The following CTNND2 variants were observed in gnomAD, a reference collection of about 807,000 sequenced individuals.
The protein encoded by CTNND2 is catenin delta-2.
A neutral mutation model predicts 144.4 loss-of-function variants in CTNND2; 22 were observed. That is an observed-to-expected ratio of 0.15 (90% CI 0.11 to 0.22). CTNND2 has a LOEUF of 0.22. Ranked by LOEUF, CTNND2 falls within the 10% of genes least tolerant of loss-of-function variation. CTNND2 has a pLI of 1.00. For missense variants in CTNND2, 1,353 were observed against 1,618.8 expected, an observed-to-expected ratio of 0.84 and a Z score of 2.82; for synonymous variants, 751 against 695.6, an observed-to-expected ratio of 1.08 and a Z score of -1.25.
chr5:11,830,291 T>G (rs535805836), intron 1 of CTNND2, among the ~76,000 whole-genome samples: 2 of 152,210 alleles, frequency 1.3e-5, no homozygotes, highest in South Asian at 4.1e-4. Context: ...GACATGAGAT[T>G]TGGGAGGGGC....
At chr5:11,897,993 T>C (rs920446470) in intron 1 of CTNND2, among the ~76,000 whole-genome samples, 1 of 152,222 alleles carries the variant, frequency 6.6e-6, no homozygotes, top group Non-Finnish European at 1.5e-5. Context: ...GCTGCTTCTC[T>C]CTTCCTCTGG....
intron 16 of CTNND2, among the ~76,000 whole-genome samples, chr5:11,035,166 T>A (rs768580394): frequency 6.6e-6 from 1 of 151,996 alleles, no homozygotes; most frequent in Non-Finnish European, 1.5e-5. Flanking sequence ...ACAGGTTCAG[T>A]GCTTTAAAAC....
At chr5:11,498,024 C>G (rs945081328) in intron 3 of CTNND2, among the ~76,000 whole-genome samples, 3 of 152,084 alleles carry the variant, frequency 2.0e-5, no homozygotes, top group African/African-American at 7.2e-5. Context: ...AAAGTAGAGT[C>G]AAACCCAGTG....
intron 3 of CTNND2, among the ~76,000 whole-genome samples, chr5:11,425,843 G>A (rs577729607): frequency 1.3e-5 from 2 of 152,042 alleles, no homozygotes; most frequent in Non-Finnish European, 2.9e-5. Context: ...AATGTTGGTT[G>A]GGCTCTCCTG....
chr5:11,168,845 G>A (rs930135202), intron 11 of CTNND2, among the ~76,000 whole-genome samples: 1 of 151,892 alleles, frequency 6.6e-6, no homozygotes, highest in South Asian at 2.1e-4. Flanking sequence ...GAGAGAGAGA[G>A]AGATTTAAAG....
chr5:11,242,746 A>T (rs1434692768), intron 9 of CTNND2, among the ~76,000 whole-genome samples: 7 of 152,198 alleles, frequency 4.6e-5, no homozygotes, highest in Non-Finnish European at 8.8e-5. Context: ...TGACTGTTGT[A>T]CTAGAATGAG....
chr5:11,806,666 T>C (rs1370899783), intron 1 of CTNND2, among the ~76,000 whole-genome samples: 1 of 152,148 alleles, frequency 6.6e-6, no homozygotes, highest in Non-Finnish European at 1.5e-5. Context: ...GGTTGCCCCA[T>C]CTAACACATC....
At chr5:11,880,566 AGT>A (rs1491205092) in intron 1 of CTNND2, among the ~76,000 whole-genome samples, 2 of 71,040 alleles carry the variant, frequency 2.8e-5, no homozygotes, top group Non-Finnish European at 6.2e-5. Context: ...TACTGCTACT[AGT>A]ACTACTACTA....
At chr5:11,645,069 G>T (rs564041867) in intron 2 of CTNND2, among the ~76,000 whole-genome samples, 25 of 152,242 alleles carry the variant, frequency 1.6e-4, no homozygotes, top group Admixed American at 1.2e-3. Flanking sequence ...GGGCTCAAGG[G>T]ATCCTTCTGC....
At chr5:11,572,357 C>T (rs1777629164) in intron 2 of CTNND2, among the ~76,000 whole-genome samples, 1 of 152,144 alleles carries the variant, frequency 6.6e-6, no homozygotes, top group Non-Finnish European at 1.5e-5. Flanking sequence ...CCTGCTGTGT[C>T]CTCTATTTCT....
chr5:11,007,955 T>C (rs541004775), intron 18 of CTNND2, among the ~76,000 whole-genome samples: 16 of 152,356 alleles, frequency 1.1e-4, no homozygotes, highest in African/African-American at 3.8e-4. Context: ...ATTTACATTC[T>C]TGTCTCTAAA....
intron 3 of CTNND2, among the ~76,000 whole-genome samples, chr5:11,462,097 C>G (rs892002481): frequency 6.6e-6 from 1 of 152,056 alleles, no homozygotes; most frequent in African/African-American, 2.4e-5. Context: ...GAGATTTGGT[C>G]TCAGTGCTCA....
At chr5:11,370,947 A>G (rs1757419464) in intron 7 of CTNND2, among the ~76,000 whole-genome samples, 1 of 152,218 alleles carries the variant, frequency 6.6e-6, no homozygotes, top group Non-Finnish European at 1.5e-5. Flanking sequence ...CCAAAATAAA[A>G]TTGAGGTTTT....
At chr5:11,201,261 G>A (rs1213836376) in intron 10 of CTNND2, among the ~76,000 whole-genome samples, 4 of 152,128 alleles carry the variant, frequency 2.6e-5, no homozygotes, top group Non-Finnish European at 5.9e-5. Flanking sequence ...CCTCATAAAT[G>A]TTCAGGAAAT....
At position 11,732,270 on chromosome 5, in the gene CTNND2, C is replaced by T. The variant is rs1333189034; in HGVS notation, c.40G>A (p.Ala14Thr). The part of the protein sequence containing the change: ...RKPPGAAPLG[A>T]MPVPDQPSSA... ...GAAGGCTGGTCTGGAACAGGCATAG[C>T]TCCTGCAAGGCAAGAGGACATGATC... The change falls in exon 2 of 22, where the codon GCT (alanine) becomes ACT (threonine). Residue 14 changes from alanine to threonine, a missense_variant and splice_region_variant. Physicochemically the swap from Ala to Thr is moderately conservative, Grantham distance 58. Around this residue, in one of 4 missense-constraint regions of CTNND2, gnomAD observed 708 missense variants for 706.4 expected, o/e 1.00. Transcript: ENST00000304623. 1 of 1,613,292 alleles carries T rather than the reference C, an allele frequency of 6.2e-7. No individual in the cohort carries two copies. Among genetic ancestry groups the T allele is most frequent in the Non-Finnish European group, 8.5e-7 (1 of 1,179,532 alleles).
intron 11 of CTNND2, among the ~76,000 whole-genome samples, chr5:11,192,038 T>A (rs1016443995): frequency 3.3e-5 from 5 of 152,206 alleles, no homozygotes; most frequent in African/African-American, 1.2e-4. Context: ...CCCCTTTCCA[T>A]GTCATCTACA....
At chr5:11,785,051 C>G (rs749997397) in intron 1 of CTNND2, among the ~76,000 whole-genome samples, 3 of 152,222 alleles carry the variant, frequency 2.0e-5, no homozygotes, top group Non-Finnish European at 4.4e-5. Context: ...ATACATATAA[C>G]TATCTTGCTC....
intron 16 of CTNND2, among the ~76,000 whole-genome samples, chr5:11,036,884 A>C (rs1744136320): frequency 6.6e-6 from 1 of 152,182 alleles, no homozygotes; most frequent in South Asian, 2.1e-4. Flanking sequence ...CCTGTTCATC[A>C]AGAATCCAAT....
At chr5:11,211,639 G>T (rs570384590) in intron 10 of CTNND2, among the ~76,000 whole-genome samples, 29 of 152,344 alleles carry the variant, frequency 1.9e-4, no homozygotes, top group Non-Finnish European at 3.4e-4. Context: ...AGATGGCAAA[G>T]CAGTTCAGAA....
Sources: gnomAD v4.1 joint callset for allele counts (sites outside exome capture counted in the v4.1 genomes callset) on GRCh38, gnomAD v4.1.1 for gene constraint, gnomAD v4.1.1 regional missense constraint, MANE v1.5 for transcripts, NCBI Gene and HGNC (gene_info 2026-07-23, HGNC 2026-07-21) for gene names.